ABCA13: variants seen among roughly 807,000 people sequenced by gnomAD.
ABCA13 encodes the protein ATP-binding cassette sub-family A member 13.
ABCA13 carries 476 observed loss-of-function variants against 478.7 expected under a neutral mutation model. The observed-to-expected ratio is 0.99, with a 90% CI of 0.92 to 1.07. The LOEUF (loss-of-function observed/expected upper bound fraction) is 1.07. ABCA13 is among the 50% of genes least tolerant of loss of function. The pLI, the probability that ABCA13 is intolerant of heterozygous loss-of-function variation, is 0.00. For synonymous variants in ABCA13, 2,252 were observed against 2,158.9 expected (o/e 1.04, Z -1.20); for missense variants, 6,060 against 5,910.6 (o/e 1.03, Z -0.83).
chr7:48,621,120 T>G (rs1793085669), intron 59 of ABCA13, among the ~76,000 whole-genome samples: 1 of 152,158 alleles, frequency 6.6e-6, no homozygotes, highest in Non-Finnish European at 1.5e-5. Context: ...CCATCACTGA[T>G]TACACAATAC....
chr7:48,348,780 A>G (rs73323762), intron 29 of ABCA13, among the ~76,000 whole-genome samples: 9,605 of 152,304 alleles, frequency 0.063, 697 homozygotes, highest in African/African-American at 0.17. Flanking sequence ...GCTCTTTCAG[A>G]GCCCTACAAT....
intron 56 of ABCA13, among the ~76,000 whole-genome samples, chr7:48,582,596 C>G (rs1363247265): frequency 1.3e-5 from 2 of 152,120 alleles, no homozygotes; most frequent in Non-Finnish European, 2.9e-5. Flanking sequence ...AGTGCAAGAC[C>G]CTCTGTGCTT....
At chr7:48,565,270 A>C (rs1786928084) in intron 55 of ABCA13, among the ~76,000 whole-genome samples, 2 of 105,138 alleles carry the variant, frequency 1.9e-5, no homozygotes, top group African/African-American at 9.2e-5. Context: ...GGGCAAGAAC[A>C]AAAAAAAAAA....
chr7:48,244,774 T>C, intron 11 of ABCA13, 71 bp downstream of exon 11: 8 of 1,505,162 alleles, frequency 5.3e-6, no homozygotes, highest in Non-Finnish European at 7.1e-6. Context: ...GAAAATGGAC[T>C]TGAAACTGCC....
At chr7:48,270,052 T>A (rs1212779171) in intron 16 of ABCA13, among the ~76,000 whole-genome samples, 11 of 152,266 alleles carry the variant, frequency 7.2e-5, no homozygotes, top group Middle Eastern at 3.4e-3. Context: ...CACATTTAAT[T>A]TTATATTTGT....
intron 55 of ABCA13, among the ~76,000 whole-genome samples, chr7:48,568,347 T>C (rs1252897050): frequency 6.6e-5 from 10 of 152,128 alleles, no homozygotes; most frequent in African/African-American, 2.4e-4. Flanking sequence ...ATTCTTTTTC[T>C]GAGTTTAATG....
At chr7:48,499,001 A>G (rs1210986757) in intron 48 of ABCA13, among the ~76,000 whole-genome samples, 2 of 152,248 alleles carry the variant, frequency 1.3e-5, no homozygotes. Flanking sequence ...AAAATTCTCA[A>G]CAGAATTAAG....
chr7:48,633,548 A>T (rs1794348965), intron 59 of ABCA13, among the ~76,000 whole-genome samples: 1 of 152,144 alleles, frequency 6.6e-6, no homozygotes, highest in African/African-American at 2.4e-5. Context: ...AATAAATTCA[A>T]AAAATTGAAA....
Position 48,389,168 on chromosome 7 carries a change from G to T in ABCA13, c.11602G>T (p.Asp3868Tyr), listed in dbSNP as rs1284467651. The T allele has an allele frequency of 6.2e-7, 1 of 1,613,908 alleles. No individual in the cohort carries two copies. Residue 3868 changes from aspartate to tyrosine, a missense_variant, in exon 37 of 62, where the codon GAC (aspartate) becomes TAC (tyrosine). This residue lies in a region of ABCA13 where 1,627 missense variants were observed against 1,571.0 expected (regional missense o/e 1.04). Coordinates refer to ENST00000435803, the MANE Select transcript of ABCA13 (RefSeq NM_152701.5). ...AGACCTCAGCCTGACCTTCTACAGA[G>T]ACCAAATCACCGCCCTGCTGGGGAC... ...VQDLSLTFYR[D>Y]QITALLGTNG... is the part of the protein sequence containing the mutation.
chr7:48,616,824 C>T (rs1298498042), intron 59 of ABCA13, among the ~76,000 whole-genome samples: 1 of 152,166 alleles, frequency 6.6e-6, no homozygotes, highest in East Asian at 1.9e-4. Context: ...AGTTTGAGAC[C>T]AGCCTGAGCA....
intron 59 of ABCA13, among the ~76,000 whole-genome samples, chr7:48,620,428 G>A (rs778008721): frequency 3.7e-4 from 57 of 152,308 alleles, no homozygotes; most frequent in Non-Finnish European, 6.9e-4. Context: ...CTGCAGCTCA[G>A]CACTGTTTCG....
In ABCA13 at chr7:48,529,278, C is replaced by G. The variant is rs755050013; in HGVS notation, c.14354+933C>G. 3.1e-4 allele frequency among the ~76,000 whole-genome samples: 47 copies of G among 152,294 alleles called. No homozygotes were observed. In the Middle Eastern group the frequency reaches 0.01, roughly 33 times the overall value. On this transcript the variant is annotated intron_variant, in intron 55 of 61. Transcript: ENST00000435803. ...TGGGCTCAATATCACAAACTAAAATCTTAGACCTTTAATTTCATAGCCAGT... is the reference window on the plus strand; with the variant it reads ...TGGGCTCAATATCACAAACTAAAATGTTAGACCTTTAATTTCATAGCCAGT...
intron 15 of ABCA13, among the ~76,000 whole-genome samples, chr7:48,255,232 A>G (rs1358477784): frequency 6.6e-6 from 1 of 152,166 alleles, no homozygotes; most frequent in Non-Finnish European, 1.5e-5. Context: ...CAGCATGAGT[A>G]GTGTTGTGGT....
chr7:48,455,171 G>C lies in ABCA13; in HGVS notation c.12700G>C (p.Val4234Leu), dbSNP rs1450547938. ...CACCCTCGCCGACCTGCTGCTGCCA[G>C]TCCTCTTCGTGGCCTTGGCCATGGG... ...KSTLADLLLP[V>L]LFVALAMGLF... is the part of the protein sequence containing the mutation. The change falls in exon 43 of 62, where the codon GTC becomes CTC. Residue 4234 changes from valine (V) to leucine (L), a missense_variant. Physicochemically the swap from Val to Leu is conservative, Grantham distance 32 (BLOSUM62 1). Transcript: ENST00000435803. 1.3e-6 allele frequency: 2 copies of C among 1,586,652 alleles called. No homozygotes were observed. Among genetic ancestry groups the C allele is most frequent in the Non-Finnish European group, 1.7e-6 (2 of 1,166,916 alleles).
chr7:48,621,539 C>T (rs1793135499), intron 59 of ABCA13, among the ~76,000 whole-genome samples: 1 of 152,136 alleles, frequency 6.6e-6, no homozygotes, highest in Non-Finnish European at 1.5e-5. Context: ...GGTTTTAGTT[C>T]ACCAGGAGGT....
intron 15 of ABCA13, among the ~76,000 whole-genome samples, chr7:48,256,815 A>G (rs1035583281): frequency 3.9e-5 from 6 of 152,128 alleles, no homozygotes; most frequent in African/African-American, 1.2e-4. Context: ...TTTTGATTCC[A>G]TATGAATTTT....
intron 3 of ABCA13, among the ~76,000 whole-genome samples, chr7:48,218,383 C>T (rs1286349009): frequency 6.6e-6 from 1 of 152,114 alleles, no homozygotes; most frequent in Non-Finnish European, 1.5e-5. Context: ...GAAGGCCACA[C>T]TTAAAAGGTA....
Position 48,392,922 on chromosome 7 carries a change from G to A in ABCA13, c.11873+783G>A, listed in dbSNP as rs544506490. Among the ~76,000 whole-genome samples the A allele has an allele frequency of 1.1e-4, 16 of 152,350 alleles. No individual in the cohort carries two copies. The South Asian group carries it at 3.1e-3, about 30-fold the overall frequency. On this transcript the variant is annotated intron_variant, in intron 38 of 61. Coordinates refer to ENST00000435803, the MANE Select transcript of ABCA13 (RefSeq NM_152701.5). ...GTCACAAACAATTGGTAGGACATTGGTTGGTCCACATGGGGGGCTGAACCC... is the reference window on the plus strand; with the variant it reads ...GTCACAAACAATTGGTAGGACATTGATTGGTCCACATGGGGGGCTGAACCC...
chr7:48,290,940 GAAAAAAAAAAAA>G (rs57470116), intron 20 of ABCA13, among the ~76,000 whole-genome samples: 2 of 48,790 alleles, frequency 4.1e-5, no homozygotes, highest in African/African-American at 1.1e-4. Flanking sequence ...CACACTCAGG[GAAAAAAAAAAAA>G]AAAAAAAAAA....
Sources: allele counts gnomAD v4.1 joint callset (sites outside exome capture counted in the v4.1 genomes callset), GRCh38; gene constraint gnomAD v4.1.1; regional missense constraint gnomAD v4.1.1; transcripts MANE v1.5; gene names NCBI Gene and HGNC (gene_info 2026-07-23, HGNC 2026-07-21).